CNTN5: variants seen among roughly 807,000 people sequenced by gnomAD.
CNTN5 encodes contactin 5.
A neutral mutation model predicts 129.1 loss-of-function variants in CNTN5; 77 were observed. The ratio of observed to expected loss-of-function variants is 0.60; its 90% CI spans 0.50 to 0.72. The LOEUF (loss-of-function observed/expected upper bound fraction) is 0.72. Ranked by LOEUF, CNTN5 falls within the 30% of genes least tolerant of loss-of-function variation. The pLI is 0.00. For synonymous variants in CNTN5, 509 were observed against 465.6 expected (o/e 1.09, Z -1.20); for missense variants, 1,478 against 1,328.8 (o/e 1.11, Z -1.75).
intron 3 of CNTN5, among the ~76,000 whole-genome samples, chr11:99,758,439 G>C (rs1944473036): frequency 6.6e-6 from 1 of 151,976 alleles, no homozygotes; most frequent in Admixed American, 6.6e-5. Flanking sequence ...AATTTAATAA[G>C]AAATCTGCCT....
At chr11:100,243,633 C>T (rs1447867470) in intron 16 of CNTN5, among the ~76,000 whole-genome samples, 1 of 152,200 alleles carries the variant, frequency 6.6e-6, no homozygotes, top group Non-Finnish European at 1.5e-5. Flanking sequence ...AACTTTTAAA[C>T]TCAATTACTT....
intron 1 of CNTN5, among the ~76,000 whole-genome samples, chr11:99,257,311 G>C (rs1565443028): frequency 1.3e-5 from 2 of 152,154 alleles, no homozygotes; most frequent in Non-Finnish European, 2.9e-5. Context: ...GAAGTGAACT[G>C]TCACAAGCTA....
At chr11:99,254,269 C>T (rs1280717355) in intron 1 of CNTN5, among the ~76,000 whole-genome samples, 1 of 151,718 alleles carries the variant, frequency 6.6e-6, no homozygotes, top group African/African-American at 2.4e-5. Context: ...AACATAAAGA[C>T]TTAGTTTAAA....
chr11:100,092,602 A>G (rs987145777), intron 13 of CNTN5, among the ~76,000 whole-genome samples: 4 of 152,228 alleles, frequency 2.6e-5, no homozygotes, highest in African/African-American at 9.6e-5. Context: ...AACTGTCCCT[A>G]TCTGGTTTTA....
intron 2 of CNTN5, among the ~76,000 whole-genome samples, chr11:99,538,683 T>C (rs1218442989): frequency 2.0e-5 from 3 of 152,122 alleles, no homozygotes; most frequent in South Asian, 2.1e-4. Flanking sequence ...TAAACCACTG[T>C]AACTGTTTTA....
At chr11:100,240,736 G>A (rs1484356089) in intron 16 of CNTN5, among the ~76,000 whole-genome samples, 2 of 152,114 alleles carry the variant, frequency 1.3e-5, no homozygotes, top group Admixed American at 1.3e-4. Context: ...TGCAGAAGAA[G>A]AATATTTTTT....
chr11:99,305,343 T>C (rs1426800760), intron 1 of CNTN5, among the ~76,000 whole-genome samples: 4 of 152,302 alleles, frequency 2.6e-5, no homozygotes, highest in Non-Finnish European at 5.9e-5. Flanking sequence ...TTAACATCTG[T>C]TTGAGTTTCA....
chr11:99,660,099 T>C (rs1371965133), intron 3 of CNTN5, among the ~76,000 whole-genome samples: 1 of 152,096 alleles, frequency 6.6e-6, no homozygotes, highest in East Asian at 1.9e-4. Context: ...TCACCCATAA[T>C]ATATTATATA....
chr11:99,435,987 C>A (rs984817365), intron 2 of CNTN5, among the ~76,000 whole-genome samples: 1 of 152,122 alleles, frequency 6.6e-6, no homozygotes, highest in Non-Finnish European at 1.5e-5. Context: ...TGAAATGACT[C>A]ATAATTTTAT....
At chr11:100,027,338 G>A (rs1373122990) in intron 9 of CNTN5, among the ~76,000 whole-genome samples, 6 of 152,064 alleles carry the variant, frequency 3.9e-5, no homozygotes, top group Non-Finnish European at 7.4e-5. Flanking sequence ...TATTCTTTCA[G>A]TTCCTATATT....
At chr11:99,206,062 C>T (rs1280023343) in intron 1 of CNTN5, among the ~76,000 whole-genome samples, 1 of 152,072 alleles carries the variant, frequency 6.6e-6, no homozygotes, top group Non-Finnish European at 1.5e-5. Context: ...CTGTCATATT[C>T]TTTACATGTC....
chr11:100,053,494 G>A (rs1444498820), intron 9 of CNTN5, among the ~76,000 whole-genome samples: 1 of 151,638 alleles, frequency 6.6e-6, no homozygotes, highest in Non-Finnish European at 1.5e-5. Context: ...TTAGTCATCA[G>A]GCAATATAAA....
At chr11:99,713,279 C>T (rs970905126) in intron 3 of CNTN5, among the ~76,000 whole-genome samples, 1 of 151,904 alleles carries the variant, frequency 6.6e-6, no homozygotes, top group African/African-American at 2.4e-5. Context: ...TGATTTGGCT[C>T]TCTGTTTTTT....
intron 2 of CNTN5, among the ~76,000 whole-genome samples, chr11:99,386,884 T>C (rs1031491111): frequency 5.3e-5 from 8 of 149,900 alleles, no homozygotes; most frequent in African/African-American, 2.0e-4. Context: ...CAAGTTTATA[T>C]AGTTTTTGCC....
At chr11:100,259,200 G>A (rs954567672) in intron 17 of CNTN5, among the ~76,000 whole-genome samples, 2 of 152,062 alleles carry the variant, frequency 1.3e-5, no homozygotes, top group African/African-American at 4.8e-5. Context: ...AGACAAAGAA[G>A]GGTATTACAT....
chr11:99,403,038 G>A lies in CNTN5; in HGVS notation c.-71+77554G>A, dbSNP rs1462569531. 5.3e-5 allele frequency among the ~76,000 whole-genome samples: 7 copies of A among 133,166 alleles called. No homozygotes were observed. In the Admixed American group the frequency reaches 5.8e-4, roughly 11 times the overall value. 87.4% of individuals were successfully genotyped at this position (133,166 alleles called of 152,430 possible). ...TTTTTTTTTTTTGAGATGGAGTCTT[G>A]CTCTGTCACCCAGGCTGGAGTGCAG... is the stretch of plus-strand genomic sequence containing the variant. On this transcript the variant is annotated intron_variant, in intron 2 of 24. Transcript: ENST00000524871.
At chr11:99,247,267 T>A (rs59419221) in intron 1 of CNTN5, among the ~76,000 whole-genome samples, 5,687 of 152,208 alleles carry the variant, frequency 0.037, 365 homozygotes, top group African/African-American at 0.13. Context: ...AGATATAATT[T>A]GTTTTAATTT....
chr11:99,234,726 T>A (rs117003194), intron 1 of CNTN5, among the ~76,000 whole-genome samples: 3 of 151,798 alleles, frequency 2.0e-5, no homozygotes, highest in Non-Finnish European at 4.4e-5. Flanking sequence ...TAAATAATAA[T>A]GTAAATTTTA....
At chr11:99,911,093 A>G (rs1403699972) in intron 6 of CNTN5, among the ~76,000 whole-genome samples, 2 of 152,084 alleles carry the variant, frequency 1.3e-5, no homozygotes, top group Non-Finnish European at 2.9e-5. Context: ...ATGACACTCA[A>G]ATGTAATTAA....
Sources: allele counts gnomAD v4.1 joint callset (sites outside exome capture counted in the v4.1 genomes callset), GRCh38; gene constraint gnomAD v4.1.1; transcripts MANE v1.5; gene names NCBI Gene and HGNC (gene_info 2026-07-23, HGNC 2026-07-21).